The following GFRA1 variants were observed in gnomAD, a reference collection of about 807,000 sequenced individuals.
The protein encoded by GFRA1 is GDNF family receptor alpha 1.
Under a neutral mutation model 51.6 loss-of-function variants are expected in GFRA1, and 16 were observed. That is an observed-to-expected ratio of 0.31 (90% CI 0.21 to 0.47). The LOEUF is 0.47. Among genes scored for constraint, GFRA1 ranks in the 20% least tolerant of loss-of-function variants. GFRA1 has a pLI of 1.00. For missense variants in GFRA1, 530 were observed against 594.3 expected (o/e 0.89, Z 1.13); for synonymous variants, 270 against 241.3 (o/e 1.12, Z -1.10).
chr10:116,155,480 G>C (rs377226538), intron 5 of GFRA1, among the ~76,000 whole-genome samples: 1 of 152,224 alleles, frequency 6.6e-6, no homozygotes, highest in Admixed American at 6.5e-5. Context: ...GCTAGAGAAG[G>C]CCTCAAGGAA....
At chr10:116,246,604 G>A (rs1355620095) in intron 4 of GFRA1, among the ~76,000 whole-genome samples, 2 of 152,232 alleles carry the variant, frequency 1.3e-5, no homozygotes, top group African/African-American at 4.8e-5. Flanking sequence ...GACACTGAAC[G>A]GACTATTAAA....
intron 5 of GFRA1, among the ~76,000 whole-genome samples, chr10:116,163,367 T>C (rs766914508): frequency 5.9e-5 from 9 of 152,174 alleles, no homozygotes; most frequent in Non-Finnish European, 5.9e-5. Flanking sequence ...TAGCTCGACA[T>C]TGCAGACAAG....
chr10:116,128,670 G>T (rs1957973420), intron 5 of GFRA1, among the ~76,000 whole-genome samples: 1 of 141,152 alleles, frequency 7.1e-6, no homozygotes, highest in Non-Finnish European at 1.5e-5. Flanking sequence ...AGCTTGCAGT[G>T]AGCCAAGACT....
chr10:116,189,368 G>A (rs1044960352), intron 5 of GFRA1, among the ~76,000 whole-genome samples: 6 of 152,030 alleles, frequency 3.9e-5, no homozygotes, highest in South Asian at 4.2e-4. Flanking sequence ...AAGGAGTAAC[G>A]TCCCCTGAGC....
chr10:116,101,690 C>A (rs1956821277), intron 6 of GFRA1, among the ~76,000 whole-genome samples: 1 of 152,076 alleles, frequency 6.6e-6, no homozygotes, highest in South Asian at 2.1e-4. Flanking sequence ...ACCAGTAATG[C>A]CCAATTTAAC....
chr10:116,138,658 C>T (rs1958436980), intron 5 of GFRA1, among the ~76,000 whole-genome samples: 1 of 139,672 alleles, frequency 7.2e-6, no homozygotes. Flanking sequence ...CCACCCAACA[C>T]ACACCTTCAC....
intron 6 of GFRA1, among the ~76,000 whole-genome samples, chr10:116,120,207 C>T (rs557992745): frequency 2.5e-4 from 38 of 152,254 alleles, no homozygotes; most frequent in South Asian, 8.3e-4. Flanking sequence ...GACATAGAGC[C>T]GCTGACCAAT....
At chr10:116,260,306 G>A (rs1969204129) in intron 4 of GFRA1, among the ~76,000 whole-genome samples, 1 of 152,146 alleles carries the variant, frequency 6.6e-6, no homozygotes, top group Admixed American at 6.5e-5. Context: ...AGATCTTTTT[G>A]AGGCAAAATA....
At chr10:116,186,570 TAA>T (rs386372545) in intron 5 of GFRA1, among the ~76,000 whole-genome samples, 61,861 of 128,852 alleles carry the variant, frequency 0.48, 14,880 homozygotes, top group Middle Eastern at 0.58. Flanking sequence ...GAAAGGCTCT[TAA>T]AAAAAAAAAA....
chr10:116,175,357 C>T (rs1314695052), intron 5 of GFRA1, among the ~76,000 whole-genome samples: 1 of 152,136 alleles, frequency 6.6e-6, no homozygotes, highest in Non-Finnish European at 1.5e-5. Flanking sequence ...TACGTCCCAG[C>T]TCCAAGAGAT....
At chr10:116,075,183 C>CTAAG (rs1467174673) in intron 9 of GFRA1, among the ~76,000 whole-genome samples, 1 of 152,032 alleles carries the variant, frequency 6.6e-6, no homozygotes, top group East Asian at 1.9e-4. Flanking sequence ...CATCCTCTCT[C>CTAAG]TAAGTCTTTC....
intron 9 of GFRA1, among the ~76,000 whole-genome samples, chr10:116,080,530 T>C (rs1955805161): frequency 6.6e-6 from 1 of 152,236 alleles, no homozygotes; most frequent in Non-Finnish European, 1.5e-5. Context: ...AGTTTCACGG[T>C]GCATCTCTAG....
intron 4 of GFRA1, among the ~76,000 whole-genome samples, chr10:116,256,170 C>T (rs914112986): frequency 6.6e-6 from 1 of 152,278 alleles, no homozygotes; most frequent in East Asian, 1.9e-4. Flanking sequence ...GGACCTAGAA[C>T]GTTGCAAGTA....
intron 6 of GFRA1, among the ~76,000 whole-genome samples, chr10:116,123,667 C>T (rs1321297300): frequency 1.3e-5 from 2 of 152,266 alleles, no homozygotes; most frequent in African/African-American, 4.8e-5. Flanking sequence ...ATCTGCTTGT[C>T]CACTGGCTTA....
intron 4 of GFRA1, among the ~76,000 whole-genome samples, chr10:116,262,438 A>C (rs981367048): frequency 3.3e-5 from 5 of 152,176 alleles, no homozygotes; most frequent in Non-Finnish European, 5.9e-5. Flanking sequence ...AGAAAGACAT[A>C]GGTTTTTCAG....
chr10:116,163,822 C>T (rs187755878), intron 5 of GFRA1, among the ~76,000 whole-genome samples: 2 of 152,352 alleles, frequency 1.3e-5, no homozygotes, highest in East Asian at 1.9e-4. Flanking sequence ...CATTGCTCCA[C>T]TCATTGAGGG....
chr10:116,071,134 G>GA (rs1368961712), intron 9 of GFRA1, among the ~76,000 whole-genome samples: 13 of 152,202 alleles, frequency 8.5e-5, no homozygotes, highest in Admixed American at 8.5e-4. Flanking sequence ...AGGCCAGGAA[G>GA]AAAACCAGGG....
intron 9 of GFRA1, among the ~76,000 whole-genome samples, chr10:116,078,065 C>G (rs1380845197): frequency 6.6e-6 from 1 of 152,166 alleles, no homozygotes; most frequent in South Asian, 2.1e-4. Context: ...CACATATGTA[C>G]CTATCAATCA....
chr10:116,069,921 C>T (rs1017002595), intron 9 of GFRA1, among the ~76,000 whole-genome samples: 3 of 152,156 alleles, frequency 2.0e-5, no homozygotes, highest in South Asian at 4.1e-4. Flanking sequence ...AAAGTGCACT[C>T]GCCCGGAGCC....
Sources: gnomAD v4.1 joint callset for allele counts (sites outside exome capture counted in the v4.1 genomes callset) on GRCh38, gnomAD v4.1.1 for gene constraint, MANE v1.5 for transcripts, NCBI Gene and HGNC (gene_info 2026-07-23, HGNC 2026-07-21) for gene names.